SLC30A6: variants seen among roughly 807,000 people sequenced by gnomAD.
SLC30A6 encodes the protein zinc transporter 6.
SLC30A6 carries 55 observed loss-of-function variants against 63.0 expected under a neutral mutation model. The observed-to-expected ratio is 0.87, with a 90% CI of 0.70 to 1.09. The LOEUF is 1.09. Ranked by LOEUF, SLC30A6 falls within the 50% of genes least tolerant of loss-of-function variation. SLC30A6 has a pLI of 0.00. For missense variants in SLC30A6, 587 were observed against 549.2 expected (o/e 1.07, Z -0.69); for synonymous variants, 224 against 186.1 (o/e 1.20, Z -1.66).
At chr2:32,192,199 C>A in intron 5 of SLC30A6, 137 bp from the exon 6 acceptor site, 1 of 663,144 alleles carries the variant, frequency 1.5e-6, no homozygotes, top group Non-Finnish European at 2.6e-6. Flanking sequence ...CCCTAATCTG[C>A]TCTAACAGTG....
In SLC30A6 at chr2:32,204,703, T is replaced by G. The variant is rs1684592025; in HGVS notation, c.768+11T>G. 1 of 1,552,524 alleles carries G rather than the reference T, an allele frequency of 6.4e-7. No homozygotes were observed. On this transcript the variant is annotated intron_variant, in intron 11 of 13. Coordinates refer to ENST00000282587, the MANE Select transcript of SLC30A6 (RefSeq NM_017964.5). ...AAAGTCTTACTCCAGGTAAGGTGCT[T>G]CTTCCAATGCACGTGCTTAATATTA...
chr2:32,197,489 C>G, intron 9 of SLC30A6, 97 bp downstream of exon 9: 1 of 1,300,024 alleles, frequency 7.7e-7, no homozygotes, highest in Non-Finnish European at 1.1e-6. Flanking sequence ...GCTGAGGTTA[C>G]TACGTGAATC....
intron 11 of SLC30A6, among the ~76,000 whole-genome samples, chr2:32,206,581 G>T (rs1188458160): frequency 6.6e-6 from 1 of 152,156 alleles, no homozygotes; most frequent in Non-Finnish European, 1.5e-5. Flanking sequence ...TAGTTGCATA[G>T]TGCTATGCCC....
intron 4 of SLC30A6, among the ~76,000 whole-genome samples, chr2:32,182,421 G>A (rs1220863529): frequency 6.6e-6 from 1 of 152,212 alleles, no homozygotes; most frequent in Admixed American, 6.5e-5. Context: ...GTCATGATGA[G>A]TGTGAAGTAC....
chr2:32,203,125 T>C, intron 10 of SLC30A6: 1 of 1,297,796 alleles, frequency 7.7e-7, no homozygotes. Flanking sequence ...TTTAAAGTTT[T>C]GGTGGCAACC....
At chr2:32,171,243 T>A in intron 1 of SLC30A6, 44 bp from the exon 2 acceptor site, 1 of 1,519,052 alleles carries the variant, frequency 6.6e-7, no homozygotes, top group South Asian at 1.1e-5. Flanking sequence ...ACTCTGAAGA[T>A]GATTAAATAT....
In SLC30A6 at chr2:32,165,871, CT is replaced by C. The variant is rs1156253425; in HGVS notation, c.-28del. The C allele has an allele frequency of 1.2e-6, 2 of 1,614,026 alleles. No individual in the cohort carries two copies. The highest frequency in any genetic ancestry group is 2.2e-5 in the South Asian group (2 of 91,082). ...GGGAAAACTCGAGCACCCAGAACGG[CT>C]TCCGGCGGGAGCTGTGCAGCTCCTT... On this transcript the variant is annotated 5_prime_UTR_variant, in exon 1 of 14. Transcript: ENST00000282587.
At chr2:32,167,940 T>C (rs1248600745) in intron 1 of SLC30A6, among the ~76,000 whole-genome samples, 3 of 152,230 alleles carry the variant, frequency 2.0e-5, no homozygotes, top group Non-Finnish European at 2.9e-5. Flanking sequence ...TCTTTCTCAC[T>C]TTCTAGACTG....
At chr2:32,203,700 T>C (rs1473440901) in intron 10 of SLC30A6, 1 of 1,538,790 alleles carries the variant, frequency 6.5e-7, no homozygotes, top group African/African-American at 1.4e-5. Flanking sequence ...GTGTTTGCTT[T>C]GATGTTCCTA....
chr2:32,180,994 G>T (rs559489095), intron 4 of SLC30A6, among the ~76,000 whole-genome samples: 1 of 152,104 alleles, frequency 6.6e-6, no homozygotes, highest in Non-Finnish European at 1.5e-5. Flanking sequence ...TTCATTTAGA[G>T]CTTCACTAAT....
chr2:32,199,881 G>T (rs1187803992), intron 10 of SLC30A6, among the ~76,000 whole-genome samples: 1 of 152,064 alleles, frequency 6.6e-6, no homozygotes, highest in Non-Finnish European at 1.5e-5. Flanking sequence ...TTGGGAAGCC[G>T]AGGCGGCTGG....
intron 4 of SLC30A6, among the ~76,000 whole-genome samples, chr2:32,180,642 A>G: frequency 6.6e-6 from 1 of 152,064 alleles, no homozygotes; most frequent in East Asian, 1.9e-4. Flanking sequence ...CATGTTGGCC[A>G]GGCTGGTCTT....
intron 10 of SLC30A6, chr2:32,203,474 G>A: frequency 6.3e-7 from 1 of 1,595,600 alleles, no homozygotes; most frequent in South Asian, 1.1e-5. Flanking sequence ...GAAAGGGGCA[G>A]TGGATGCATT....
chr2:32,192,167 T>C (rs936686851), intron 5 of SLC30A6, among the ~76,000 whole-genome samples, 169 bp from the exon 6 acceptor site: 2 of 152,094 alleles, frequency 1.3e-5, no homozygotes, highest in African/African-American at 4.8e-5. Flanking sequence ...GTGATTTTCA[T>C]TGTTTATTAT....
intron 10 of SLC30A6, among the ~76,000 whole-genome samples, chr2:32,204,220 A>T (rs982221912): frequency 1.3e-4 from 19 of 149,794 alleles, no homozygotes; most frequent in African/African-American, 3.4e-4. Flanking sequence ...GTCTCTTTTT[A>T]AAAAAAAATT....
At chr2:32,219,090 A>G (rs1017736672) in intron 13 of SLC30A6, among the ~76,000 whole-genome samples, 2 of 151,832 alleles carry the variant, frequency 1.3e-5, no homozygotes, top group African/African-American at 4.8e-5. Flanking sequence ...TGGGAGTGCG[A>G]TGGCGTGATC....
chr2:32,209,547 G>C lies in SLC30A6; in HGVS notation c.871G>C (p.Gly291Arg). The change falls in exon 13 of 14, where the codon GGT becomes CGT. Residue 291 changes from glycine to arginine, a missense_variant. Gly to Arg is a moderately radical substitution (Grantham distance 125). Transcript: ENST00000282587. ...EVRNEHFWTL[G>R]FGSLAGSVHV... ...CCGAAATGAACATTTTTGGACCCTA[G>C]GTTTTGGCTCATTGGTATGTTCTTT... The C allele has an allele frequency of 6.2e-7, 1 of 1,612,392 alleles. No homozygotes were observed. The highest frequency in any genetic ancestry group is 8.5e-7 in the Non-Finnish European group (1 of 1,179,496).
chr2:32,203,289 G>C lies in SLC30A6; in HGVS notation c.666-1301G>C, dbSNP rs183689534. 48 of 929,548 alleles carry C rather than the reference G, an allele frequency of 5.2e-5. No individual in the cohort carries two copies. In the East Asian group the frequency reaches 1.1e-3, roughly 22 times the overall value. 57.6% of individuals were successfully genotyped at this position (929,548 alleles called of 1,614,324 possible). ...ATATGTTTTTATCAACCAAGAGAAAGAGGTCAACTAAGATATGTGGAACAA... is the reference window on the plus strand; with the variant it reads ...ATATGTTTTTATCAACCAAGAGAAACAGGTCAACTAAGATATGTGGAACAA... On this transcript the variant is annotated intron_variant, in intron 10 of 13. Coordinates refer to ENST00000282587, the MANE Select transcript of SLC30A6 (RefSeq NM_017964.5).
chr2:32,195,199 A>C (rs1223991586), intron 8 of SLC30A6, among the ~76,000 whole-genome samples: 1 of 146,180 alleles, frequency 6.8e-6, no homozygotes, highest in Non-Finnish European at 1.5e-5. Context: ...TCCTTGGTTC[A>C]AGGGGTTACA....
Sources: gnomAD v4.1 joint callset for allele counts (sites outside exome capture counted in the v4.1 genomes callset) on GRCh38, gnomAD v4.1.1 for gene constraint, MANE v1.5 for transcripts, NCBI Gene and HGNC (gene_info 2026-07-23, HGNC 2026-07-21) for gene names.